ZC3H12B: variants seen among roughly 807,000 people sequenced by gnomAD.
ZC3H12B encodes probable ribonuclease ZC3H12B.
Under a neutral mutation model 43.9 loss-of-function variants are expected in ZC3H12B, and 7 were observed. The ratio of observed to expected loss-of-function variants is 0.16; its 90% CI spans 0.09 to 0.30. ZC3H12B has a LOEUF of 0.30. Ranked by LOEUF, ZC3H12B falls within the 10% of genes least tolerant of loss-of-function variation. The pLI is 1.00. For synonymous variants in ZC3H12B, 222 were observed against 241.7 expected (o/e 0.92, Z 0.76); for missense variants, 475 against 670.2 (o/e 0.71, Z 3.22).
the ZC3H12B span, among the ~76,000 whole-genome samples, chrX:65,177,671 A>T: frequency 8.9e-6 from 1 of 111,817 alleles, no homozygotes; most frequent in East Asian, 2.8e-4. Context: ...AATGCCAATC[A>T]CAATTGTGAC....
At chrX:65,304,960 GTAA>G in the ZC3H12B span, among the ~76,000 whole-genome samples, 2 of 111,484 alleles carry the variant, frequency 1.8e-5, no homozygotes, top group Non-Finnish European at 3.8e-5. Context: ...TCAATAAGAA[GTAA>G]TAAAAAAACC....
chrX:65,173,197 T>C, the ZC3H12B span, among the ~76,000 whole-genome samples: 1 of 111,659 alleles, frequency 9.0e-6, no homozygotes, highest in Non-Finnish European at 1.9e-5. Context: ...TGAATGGGAG[T>C]TCACTCATGA....
chrX:65,162,086 G>C, the ZC3H12B span, among the ~76,000 whole-genome samples: 1 of 111,319 alleles, frequency 9.0e-6, no homozygotes. Context: ...AGAATGTTGA[G>C]TATTGGCCCC....
the ZC3H12B span, among the ~76,000 whole-genome samples, chrX:65,070,150 C>A: frequency 2.8e-5 from 3 of 107,928 alleles, no homozygotes; most frequent in Non-Finnish European, 5.8e-5. Flanking sequence ...GATTCAATGT[C>A]TTTTTTATTT....
At chrX:65,336,287 T>A in the ZC3H12B span, among the ~76,000 whole-genome samples, 2 of 112,586 alleles carry the variant, frequency 1.8e-5, no homozygotes, top group Non-Finnish European at 3.8e-5. Flanking sequence ...GCCAGGCTTC[T>A]GGGTTTTCCT....
the ZC3H12B span, among the ~76,000 whole-genome samples, chrX:65,284,249 CACA>C: frequency 1.2e-5 from 1 of 83,543 alleles, no homozygotes; most frequent in Non-Finnish European, 2.3e-5. Context: ...CACACACACA[CACA>C]AAAAAAAAAA....
the ZC3H12B span, among the ~76,000 whole-genome samples, chrX:65,140,329 C>T: frequency 9.0e-6 from 1 of 110,979 alleles, no homozygotes; most frequent in African/African-American, 3.3e-5. Flanking sequence ...TTGTTGAATG[C>T]CTTTTCTGAT....
chrX:65,174,471 C>T, the ZC3H12B span, among the ~76,000 whole-genome samples: 72 of 111,948 alleles, frequency 6.4e-4, no homozygotes, highest in Non-Finnish European at 1.1e-3. Context: ...ACTGAAGCTG[C>T]GCCCACATCC....
At chrX:65,170,596 G>A in the ZC3H12B span, among the ~76,000 whole-genome samples, 3 of 111,717 alleles carry the variant, frequency 2.7e-5, no homozygotes, top group South Asian at 7.5e-4. Context: ...TCTAGGTTGG[G>A]GAAGTTCTCC....
the ZC3H12B span, among the ~76,000 whole-genome samples, chrX:65,179,745 A>G: frequency 9.0e-6 from 1 of 111,425 alleles, no homozygotes; most frequent in African/African-American, 3.2e-5. Flanking sequence ...AATTGCTACA[A>G]AGAAAATCTA....
the ZC3H12B span, among the ~76,000 whole-genome samples, chrX:65,174,065 G>A: frequency 9.0e-6 from 1 of 111,550 alleles, no homozygotes; most frequent in Non-Finnish European, 1.9e-5. Context: ...GGTAACACCA[G>A]TGGAGGCTAC....
the ZC3H12B span, among the ~76,000 whole-genome samples, chrX:65,360,614 C>G: frequency 8.9e-6 from 1 of 112,318 alleles, no homozygotes; most frequent in African/African-American, 3.2e-5. Context: ...TAAATTGATA[C>G]AACTACTTTG....
the ZC3H12B span, among the ~76,000 whole-genome samples, chrX:65,171,615 G>T: frequency 3.6e-5 from 4 of 111,621 alleles, no homozygotes; most frequent in Non-Finnish European, 5.7e-5. Flanking sequence ...GCTGCCTTTT[G>T]TTCAGCTATG....
chrX:65,257,769 C>T, the ZC3H12B span, among the ~76,000 whole-genome samples: 1 of 110,631 alleles, frequency 9.0e-6, no homozygotes, highest in Non-Finnish European at 1.9e-5. Context: ...TGCACACAAA[C>T]TAGAAAACCT....
exon 5 of ZC3H12B, chrX:65,501,881 A>G (rs755900670): frequency 8.3e-7 from 1 of 1,208,701 alleles, no homozygotes; most frequent in South Asian, 1.8e-5. Context: ...GCTCCGCATC[A>G]GTGCCAAACT....
At chrX:65,339,650 G>T in the ZC3H12B span, among the ~76,000 whole-genome samples, 7 of 111,554 alleles carry the variant, frequency 6.3e-5, no homozygotes, top group Non-Finnish European at 1.3e-4. Context: ...ATCAGACAAG[G>T]CCAGTCTGAC....
chrX:65,256,697 A>G, the ZC3H12B span, among the ~76,000 whole-genome samples: 1 of 111,919 alleles, frequency 8.9e-6, no homozygotes, highest in Non-Finnish European at 1.9e-5. Context: ...TCAGAGCTGA[A>G]ATGAAGGATA....
At chrX:65,181,486 A>T in the ZC3H12B span, among the ~76,000 whole-genome samples, 1 of 111,709 alleles carries the variant, frequency 9.0e-6, no homozygotes, top group African/African-American at 3.2e-5. Flanking sequence ...AATGGGAGAA[A>T]TTTTTTGCAA....
chrX:65,133,454 G>T, the ZC3H12B span, among the ~76,000 whole-genome samples: 255 of 110,286 alleles, frequency 2.3e-3, no homozygotes, highest in Non-Finnish European at 3.4e-3. Context: ...GCCATGAACT[G>T]GGTTGAGTTT....
Sources: gnomAD v4.1 joint callset for allele counts (sites outside exome capture counted in the v4.1 genomes callset) on GRCh38, gnomAD v4.1.1 for gene constraint, MANE v1.5 for transcripts, NCBI Gene and HGNC (gene_info 2026-07-23, HGNC 2026-07-21) for gene names.